The following RNGTT variants were observed in gnomAD, a reference collection of about 807,000 sequenced individuals.
RNGTT encodes the protein mRNA-capping enzyme.
Under a neutral mutation model 79.3 loss-of-function variants are expected in RNGTT, and 33 were observed. That is an observed-to-expected ratio of 0.42 (90% CI 0.32 to 0.56). The LOEUF (loss-of-function observed/expected upper bound fraction) is 0.56, where lower values mean the gene tolerates loss of function less well. Ranked by LOEUF, RNGTT falls within the 20% of genes least tolerant of loss-of-function variation. The pLI, the probability that RNGTT is intolerant of heterozygous loss-of-function variation, is 0.17. For synonymous variants in RNGTT, 222 were observed against 235.9 expected (o/e 0.94, Z 0.54); for missense variants, 497 against 739.1 (o/e 0.67, Z 3.80).
intron 12 of RNGTT, among the ~76,000 whole-genome samples, chr6:88,771,672 C>A (rs934380898): frequency 1.3e-5 from 2 of 151,968 alleles, no homozygotes; most frequent in African/African-American, 2.4e-5. Flanking sequence ...TTTTCTGATT[C>A]ATAAACACTG....
At chr6:88,663,527 C>A (rs1236727672) in intron 14 of RNGTT, among the ~76,000 whole-genome samples, 1 of 152,194 alleles carries the variant, frequency 6.6e-6, no homozygotes, top group Non-Finnish European at 1.5e-5. Flanking sequence ...AAGGAAAAGT[C>A]TTGCTCCACC....
chr6:88,811,438 T>A (rs1780134965), intron 11 of RNGTT, among the ~76,000 whole-genome samples: 1 of 152,126 alleles, frequency 6.6e-6, no homozygotes, highest in Non-Finnish European at 1.5e-5. Context: ...CTGACAAAGG[T>A]TACCATATGA....
At chr6:88,934,229 G>T (rs747463738) in intron 2 of RNGTT, among the ~76,000 whole-genome samples, 1 of 151,974 alleles carries the variant, frequency 6.6e-6, no homozygotes, top group Admixed American at 6.6e-5. Context: ...ATGGTGTCTC[G>T]TTATGTTATC....
chr6:88,670,680 G>A (rs1318779972), intron 14 of RNGTT, among the ~76,000 whole-genome samples: 3 of 152,200 alleles, frequency 2.0e-5, no homozygotes, highest in Non-Finnish European at 4.4e-5. Context: ...GATATTGTAT[G>A]AGGAAGACTT....
intron 13 of RNGTT, among the ~76,000 whole-genome samples, chr6:88,769,340 TG>T (rs1328300164): frequency 3.0e-3 from 2 of 660 alleles, no homozygotes; most frequent in Non-Finnish European, 4.5e-3. Context: ...TTTCTATTTT[TG>T]GTAGAGGGGG....
At chr6:88,726,876 A>T (rs146204523) in intron 13 of RNGTT, among the ~76,000 whole-genome samples, 26 of 152,372 alleles carry the variant, frequency 1.7e-4, no homozygotes, top group South Asian at 1.7e-3. Context: ...AAGTTTGCTA[A>T]AAGTTAACAG....
chr6:88,929,176 A>G lies in RNGTT; in HGVS notation c.266T>C (p.Leu89Pro). ...ATATATAACTTACCCTTTACACTGA[A>G]GTTTTATATATTTGATTCCTTCTTT... is the stretch of plus-strand genomic sequence containing the variant. ...IEKEGIKYIK[L>P]QCKGHGECPT... Residue 89 changes from leucine (L) to proline (P), a missense_variant, in exon 3 of 16, where the codon CTT becomes CCT. Leu to Pro is a moderately conservative substitution (Grantham distance 98). This residue lies in a region of RNGTT where 440 missense variants were observed against 671.5 expected (regional missense o/e 0.66). Coordinates refer to ENST00000369485, the MANE Select transcript of RNGTT (RefSeq NM_003800.5). The G allele has an allele frequency of 6.3e-7, 1 of 1,595,650 alleles. No homozygotes were observed. Among genetic ancestry groups the G allele is most frequent in the Non-Finnish European group, 8.6e-7 (1 of 1,165,532 alleles).
chr6:88,901,248 C>G (rs1026774730), intron 6 of RNGTT, among the ~76,000 whole-genome samples: 2 of 151,476 alleles, frequency 1.3e-5, no homozygotes, highest in African/African-American at 4.9e-5. Flanking sequence ...AGATAACAGC[C>G]AAAAATTGTC....
intron 14 of RNGTT, among the ~76,000 whole-genome samples, chr6:88,665,783 G>T (rs1004244126): frequency 1.3e-5 from 2 of 152,194 alleles, no homozygotes; most frequent in African/African-American, 2.4e-5. Context: ...AGAGACCTAG[G>T]CTGCGTGTTG....
At chr6:88,640,566 G>GAAAAAA (rs72031584) in intron 14 of RNGTT, among the ~76,000 whole-genome samples, 2 of 128,916 alleles carry the variant, frequency 1.6e-5, no homozygotes, top group African/African-American at 2.8e-5. Flanking sequence ...AAAAAGAAAA[G>GAAAAAA]AAAAAAAAAA....
intron 2 of RNGTT, among the ~76,000 whole-genome samples, chr6:88,932,164 G>A (rs1042485686): frequency 2.6e-5 from 4 of 152,106 alleles, no homozygotes; most frequent in African/African-American, 9.7e-5. Context: ...CCTCTAAAAT[G>A]GCCGCTCTAG....
intron 2 of RNGTT, among the ~76,000 whole-genome samples, chr6:88,937,342 T>C (rs1784698798): frequency 6.7e-6 from 1 of 150,102 alleles, no homozygotes; most frequent in Non-Finnish European, 1.5e-5. Flanking sequence ...CAAAACTCCA[T>C]CTCAAAAAAA....
chr6:88,731,124 G>GA (rs775621395), intron 13 of RNGTT, among the ~76,000 whole-genome samples: 105 of 151,862 alleles, frequency 6.9e-4, no homozygotes, highest in Non-Finnish European at 1.0e-3. Flanking sequence ...CTCTATTTAA[G>GA]AAAAAGTTCT....
intron 14 of RNGTT, among the ~76,000 whole-genome samples, chr6:88,662,298 G>A (rs945207392): frequency 4.6e-5 from 7 of 152,192 alleles, no homozygotes; most frequent in East Asian, 1.9e-4. Context: ...TGACCTAACC[G>A]CTTGTGGATT....
chr6:88,678,602 A>G (rs1411021617), intron 13 of RNGTT, among the ~76,000 whole-genome samples, 183 bp from the exon 14 acceptor site: 1 of 152,136 alleles, frequency 6.6e-6, no homozygotes, highest in African/African-American at 2.4e-5. Context: ...TAGTAACCAG[A>G]AAATAAATAA....
At chr6:88,731,376 C>G (rs577338534) in intron 13 of RNGTT, among the ~76,000 whole-genome samples, 1 of 152,224 alleles carries the variant, frequency 6.6e-6, no homozygotes, top group Non-Finnish European at 1.5e-5. Flanking sequence ...ACAATGTATG[C>G]TAACAGGCAG....
chr6:88,879,959 C>T (rs1200959639), intron 8 of RNGTT, among the ~76,000 whole-genome samples: 1 of 152,092 alleles, frequency 6.6e-6, no homozygotes, highest in Non-Finnish European at 1.5e-5. Context: ...TATGTAAAAT[C>T]AGGGGGATAT....
At chr6:88,811,629 T>C (rs938341754) in intron 11 of RNGTT, among the ~76,000 whole-genome samples, 1 of 152,144 alleles carries the variant, frequency 6.6e-6, no homozygotes, top group Non-Finnish European at 1.5e-5. Context: ...ATAAGCAAAA[T>C]GACAGCTTAA....
intron 12 of RNGTT, among the ~76,000 whole-genome samples, chr6:88,777,488 T>C (rs977401339): frequency 1.3e-5 from 2 of 152,230 alleles, no homozygotes; most frequent in Non-Finnish European, 1.5e-5. Context: ...TGGAATATCT[T>C]TCTATTTATG....
Sources: gnomAD v4.1 joint callset for allele counts (sites outside exome capture counted in the v4.1 genomes callset) on GRCh38, gnomAD v4.1.1 for gene constraint, gnomAD v4.1.1 regional missense constraint, MANE v1.5 for transcripts, NCBI Gene and HGNC (gene_info 2026-07-23, HGNC 2026-07-21) for gene names.